The following GCNT2 variants were observed in gnomAD, a reference collection of about 807,000 sequenced individuals.
The protein encoded by GCNT2 is N-acetyllactosaminide beta-1,6-N-acetylglucosaminyl-transferase.
A neutral mutation model predicts 34.2 loss-of-function variants in GCNT2; 34 were observed. That is an observed-to-expected ratio of 1.00 (90% confidence interval 0.76 to 1.32). GCNT2 has a LOEUF of 1.32. GCNT2 is among the 40% of genes most tolerant of loss of function. The pLI is 0.00. For synonymous variants in GCNT2, 212 were observed against 188.0 expected (o/e 1.13, Z -1.04); for missense variants, 584 against 489.4 (o/e 1.19, Z -1.82).
rs1051168815 is a variant in GCNT2 at position 10,628,178 on chromosome 6, CAG to C, written c.*1572_*1573del. 1 of 152,458 alleles carries C rather than the reference CAG, an allele frequency of 6.6e-6. No homozygotes were observed. The highest frequency in any genetic ancestry group is 1.5e-5 in the Non-Finnish European group (1 of 68,016). 9.4% of individuals were successfully genotyped at this position (152,458 alleles called of 1,614,324 possible). A position where few individuals can be genotyped will look rare whatever the true frequency, so the allele number is the denominator to read the frequency against. ...AGAAGGTAGATTTTAAGAATGGTCT[CAG>C]TGTTAATACTGAGAAAAAGTCCTGT... is the stretch of plus-strand genomic sequence containing the variant. On this transcript the variant is annotated 3_prime_UTR_variant, in exon 5 of 5. Coordinates refer to ENST00000495262, the MANE Select transcript of GCNT2 (RefSeq NM_145649.5).
At chr6:10,543,946 A>T (rs893148170) in intron 3 of GCNT2, among the ~76,000 whole-genome samples, 2 of 152,182 alleles carry the variant, frequency 1.3e-5, no homozygotes, top group African/African-American at 4.8e-5. Flanking sequence ...GACACACTAT[A>T]TGGACAAAAT....
intron 3 of GCNT2, among the ~76,000 whole-genome samples, chr6:10,554,099 G>T (rs1762592452): frequency 6.6e-6 from 1 of 152,232 alleles, no homozygotes; most frequent in South Asian, 2.1e-4. Flanking sequence ...ATAGTTAAAG[G>T]CAGGCCTGGA....
intron 3 of GCNT2, among the ~76,000 whole-genome samples, chr6:10,563,742 A>G (rs1246257673): frequency 8.1e-5 from 7 of 86,272 alleles, no homozygotes; most frequent in East Asian, 3.3e-4. Context: ...ACTCCATCTC[A>G]AAAAAAGAAA....
intron 3 of GCNT2, among the ~76,000 whole-genome samples, chr6:10,575,704 T>G (rs1454767159): frequency 6.6e-6 from 1 of 151,962 alleles, no homozygotes; most frequent in Non-Finnish European, 1.5e-5. Context: ...ACAAAAGAAG[T>G]GTAAATGGCC....
rs923907374 is a variant in GCNT2, at chr6:10,565,447, C to A, written c.925+35611C>A. 7.9e-5 allele frequency among the ~76,000 whole-genome samples: 12 copies of A among 152,316 alleles called. No homozygotes were observed. The East Asian group carries it at 2.3e-3, about 29-fold the overall frequency. On this transcript the variant is annotated intron_variant, in intron 3 of 4. Coordinates refer to ENST00000495262, the MANE Select transcript of GCNT2 (RefSeq NM_145649.5). ...CCTTTCTTCATGGTCCAGGACACAACCTCCTGAGCCAATAATTCACGATTT... is the reference window on the plus strand; with the variant it reads ...CCTTTCTTCATGGTCCAGGACACAAACTCCTGAGCCAATAATTCACGATTT...
chr6:10,556,192 G>A (rs919575726), intron 3 of GCNT2: 3 of 1,397,520 alleles, frequency 2.1e-6, no homozygotes, highest in African/African-American at 2.9e-5. Context: ...AACCTGCCAC[G>A]GGGATTTAAA....
chr6:10,602,943 C>CT (rs1281156795), intron 3 of GCNT2, among the ~76,000 whole-genome samples: 2 of 152,190 alleles, frequency 1.3e-5, no homozygotes, highest in Admixed American at 6.5e-5. Flanking sequence ...CAAATCAATG[C>CT]TGTACTTTTA....
At chr6:10,538,511 A>G (rs958789538) in intron 3 of GCNT2, among the ~76,000 whole-genome samples, 6 of 147,314 alleles carry the variant, frequency 4.1e-5, no homozygotes, top group Non-Finnish European at 7.4e-5. Context: ...ATTTATACCC[A>G]TGACACCTTA....
intron 3 of GCNT2, among the ~76,000 whole-genome samples, chr6:10,551,837 A>G (rs925552171): frequency 6.6e-6 from 1 of 151,922 alleles, no homozygotes; most frequent in Non-Finnish European, 1.5e-5. Flanking sequence ...GGCTCACTGC[A>G]ACCTCTGTCT....
chr6:10,591,190 C>G (rs981431155), intron 3 of GCNT2, among the ~76,000 whole-genome samples: 10 of 152,194 alleles, frequency 6.6e-5, no homozygotes, highest in African/African-American at 2.4e-4. Flanking sequence ...TTTGTGTTCT[C>G]CACCACTACT....
chr6:10,536,903 C>T (rs1321308161), intron 3 of GCNT2, among the ~76,000 whole-genome samples: 4 of 151,836 alleles, frequency 2.6e-5, no homozygotes, highest in Non-Finnish European at 5.9e-5. Flanking sequence ...GTAGCTGGGA[C>T]TACAGGCGCC....
intron 3 of GCNT2, among the ~76,000 whole-genome samples, chr6:10,616,394 G>A (rs560262663): frequency 3.3e-5 from 5 of 152,276 alleles, no homozygotes; most frequent in Admixed American, 1.3e-4. Flanking sequence ...CCTAAACAGG[G>A]TACCGCTGTT....
At chr6:10,571,595 C>CAAAGTGCTGGGTCACCTG (rs1445600008) in intron 3 of GCNT2, among the ~76,000 whole-genome samples, 3 of 152,154 alleles carry the variant, frequency 2.0e-5, no homozygotes. Flanking sequence ...TCAGGTGACC[C>CAAAGTGCTGGGTCACCTG]ACCCACCTCA....
At chr6:10,533,027 C>G (rs1331356915) in intron 3 of GCNT2, among the ~76,000 whole-genome samples, 2 of 150,492 alleles carry the variant, frequency 1.3e-5, no homozygotes, top group Non-Finnish European at 2.9e-5. Context: ...CTAGTCCAGG[C>G]CAGGTGTGGT....
At chr6:10,542,893 C>CTTTTTTTTTT (rs869251646) in intron 3 of GCNT2, among the ~76,000 whole-genome samples, 23 of 82,250 alleles carry the variant, frequency 2.8e-4, no homozygotes, top group African/African-American at 6.6e-4. Context: ...TATGTTAATT[C>CTTTTTTTTTT]TTTTTTTTTT....
chr6:10,557,295 C>T (rs1334492035), intron 3 of GCNT2: 33 of 1,613,808 alleles, frequency 2.0e-5, no homozygotes, highest in Non-Finnish European at 2.8e-5. Flanking sequence ...TCCAAGGACA[C>T]TTTCAGTCCT....
At chr6:10,539,949 G>A (rs748511024) in intron 3 of GCNT2, among the ~76,000 whole-genome samples, 4 of 152,230 alleles carry the variant, frequency 2.6e-5, no homozygotes, top group South Asian at 2.1e-4. Context: ...TTGGAGGCGC[G>A]TGCCGGTAGT....
chr6:10,615,577 G>A (rs1015593659), intron 3 of GCNT2, among the ~76,000 whole-genome samples: 1 of 152,048 alleles, frequency 6.6e-6, no homozygotes, highest in African/African-American at 2.4e-5. Flanking sequence ...TACAGGAAAG[G>A]GATCCCGATC....
chr6:10,557,417 T>A, intron 3 of GCNT2: 2 of 1,136,520 alleles, frequency 1.8e-6, no homozygotes, highest in Non-Finnish European at 1.3e-6. Context: ...CAGCCACTTT[T>A]TATTAGGAAG....
Sources: gnomAD v4.1 joint callset for allele counts (sites outside exome capture counted in the v4.1 genomes callset) on GRCh38, gnomAD v4.1.1 for gene constraint, MANE v1.5 for transcripts, NCBI Gene and HGNC (gene_info 2026-07-23, HGNC 2026-07-21) for gene names.